The following CCNDBP1 variants were observed in gnomAD, a reference collection of about 807,000 sequenced individuals.
CCNDBP1 encodes cyclin-D1-binding protein 1.
CCNDBP1 carries 45 observed loss-of-function variants against 46.2 expected under a neutral mutation model. The ratio of observed to expected loss-of-function variants is 0.97; its 90% CI spans 0.77 to 1.25. The LOEUF (loss-of-function observed/expected upper bound fraction) is 1.25, where lower values mean the gene tolerates loss of function less well. Ranked by LOEUF, CCNDBP1 falls within the 50% of genes most tolerant of loss-of-function variation. CCNDBP1 has a pLI of 0.00. For missense variants in CCNDBP1, 436 were observed against 442.1 expected, an observed-to-expected ratio of 0.99 and a Z score of 0.12; for synonymous variants, 154 against 163.6, an observed-to-expected ratio of 0.94 and a Z score of 0.45.
intron 8 of CCNDBP1, among the ~76,000 whole-genome samples, chr15:43,191,935 C>T (rs1330294735): frequency 6.6e-6 from 1 of 152,162 alleles, no homozygotes; most frequent in Non-Finnish European, 1.5e-5. Context: ...AAATTGCAGA[C>T]AGCAATGACA....
intron 3 of CCNDBP1, 83 bp from the exon 4 acceptor site, chr15:43,189,105 GAAAAAGAAAGA>G (rs2041905471): frequency 1.1e-4 from 25 of 238,040 alleles, no homozygotes; most frequent in Middle Eastern, 8.3e-4. Flanking sequence ...AAAAAAAAAA[GAAAAAGAAAGA>G]AAAGAAAAAG....
rs867488216 is a variant in CCNDBP1 at position 43,192,971 on chromosome 15, T to C, written c.921+168T>C. On this transcript the variant is annotated intron_variant, in intron 9 of 10. Coordinates refer to ENST00000300213, the MANE Select transcript of CCNDBP1 (RefSeq NM_012142.5). The stretch of plus-strand genomic sequence containing the variant: ...GCGTTTGGGGTTGATAAATATTCAC[T>C]GAAGTTGAATTATAATAGCCATGAG... 26 of 620,858 alleles carry C rather than the reference T, an allele frequency of 4.2e-5. No homozygotes were observed. In the African/African-American group the frequency reaches 4.6e-4, roughly 11 times the overall value. 38.5% of individuals were successfully genotyped at this position (620,858 alleles called of 1,614,324 possible).
At chr15:43,190,443 A>G (rs1596392125) in intron 6 of CCNDBP1, 45 bp downstream of exon 6, 1 of 1,483,488 alleles carries the variant, frequency 6.7e-7, no homozygotes, top group East Asian at 2.3e-5. Context: ...GCCAAAGCAA[A>G]GAGACCTCAT....
chr15:43,190,237 C>T, intron 5 of CCNDBP1, 86 bp downstream of exon 5: 4 of 1,582,204 alleles, frequency 2.5e-6, no homozygotes, highest in Non-Finnish European at 3.5e-6. Context: ...AAGTTACTGA[C>T]AGCTGAGAGT....
chr15:43,191,646 T>C lies in CCNDBP1; in HGVS notation c.831T>C (p.Ile277=). ...KKDQVAQLDD[I]VDISDEISPS... ...ATCAGGTGGCACAGCTGGATGACAT[T>C]GTGGATATTTCTGATGAAATCAGCC... The change falls in exon 8 of 11, where the codon ATT becomes ATC. Residue 277 remains isoleucine (I), a synonymous_variant. Coordinates refer to ENST00000300213, the MANE Select transcript of CCNDBP1 (RefSeq NM_012142.5). The C allele has an allele frequency of 6.2e-7, 1 of 1,608,762 alleles. No homozygotes were observed. Among genetic ancestry groups the C allele is most frequent in the Non-Finnish European group, 8.5e-7 (1 of 1,179,994 alleles).
At chr15:43,185,767 A>G in intron 1 of CCNDBP1, 53 bp from the exon 2 acceptor site, 2 of 1,584,320 alleles carry the variant, frequency 1.3e-6, no homozygotes, top group South Asian at 1.1e-5. Context: ...GGCTCCGCTT[A>G]CCTCAGCTTT....
At position 43,194,398 on chromosome 15, in the gene CCNDBP1, CTG is replaced by C. The variant is rs375689084; in HGVS notation, c.922-13_922-12del. On this transcript the variant is annotated splice_polypyrimidine_tract_variant and intron_variant, in intron 9 of 10. Coordinates refer to ENST00000300213, the MANE Select transcript of CCNDBP1 (RefSeq NM_012142.5). ...TGGTAGGGCTCAGGGTGAATAACTT[CTG>C]TGTTTCTTTTCTAGTCTGCGAAACT... The C allele has an allele frequency of 1.1e-5, 18 of 1,597,692 alleles. No homozygotes were observed. In the African/African-American group the frequency reaches 1.9e-4, roughly 17 times the overall value.
Position 43,194,638 on chromosome 15 carries a change from T to G in CCNDBP1, c.969-89T>G, listed in dbSNP as rs527490633. On this transcript the variant is annotated intron_variant, in intron 10 of 10. Transcript: ENST00000300213. Reference sequence around the variant, plus strand: ...CAAAGAAGCTTCCCTTTAAAAAAATTTTAGTTTTCCCTGTGCTCCCTCCTG... The same window carrying G: ...CAAAGAAGCTTCCCTTTAAAAAAATGTTAGTTTTCCCTGTGCTCCCTCCTG... 12 of 1,134,694 alleles carry G rather than the reference T, an allele frequency of 1.1e-5. No individual in the cohort carries two copies. The South Asian group carries it at 1.7e-4, about 16-fold the overall frequency. 70.3% of individuals were successfully genotyped at this position (1,134,694 alleles called of 1,614,324 possible).
At chr15:43,194,515 C>CTGGA in intron 10 of CCNDBP1, 54 bp downstream of exon 10, 2 of 1,403,576 alleles carry the variant, frequency 1.4e-6, no homozygotes, top group Non-Finnish European at 2.0e-6. Flanking sequence ...GAACTGCTGT[C>CTGGA]CAGACGTTCT....
In CCNDBP1 at chr15:43,185,593, TG is replaced by T. The variant is rs1483350562; in HGVS notation, c.96del (p.Pro33LeufsTer29). ...TTGGCGGAGGAGCTGCGGTTGCTCC[TG>T]CCTCGAGTGCGGGGTGAGCTGACGG... ...RHLAEELRLL[L>X]PRVRVGEAQE... On this transcript the variant is annotated frameshift_variant, in exon 1 of 11. Transcript: ENST00000300213. LOFTEE classifies it high-confidence loss of function. 1.1e-5 allele frequency: 16 copies of T among 1,508,398 alleles called. No homozygotes were observed. Among genetic ancestry groups the T allele is most frequent in the Non-Finnish European group, 1.3e-5 (15 of 1,123,632 alleles). 93.4% of individuals were successfully genotyped at this position (1,508,398 alleles called of 1,614,324 possible).
At chr15:43,194,330 T>C in intron 9 of CCNDBP1, 85 bp from the exon 10 acceptor site, 1 of 1,131,032 alleles carries the variant, frequency 8.8e-7, no homozygotes, top group African/African-American at 1.6e-5. Context: ...AAATAATTTT[T>C]TTATTACTTG....
intron 3 of CCNDBP1, 152 bp from the exon 4 acceptor site, chr15:43,189,047 C>A: frequency 2.4e-6 from 1 of 423,784 alleles, no homozygotes; most frequent in South Asian, 3.4e-5. Context: ...CATTGCACTC[C>A]AGCCTGGGTG....
At chr15:43,194,615 A>G in intron 10 of CCNDBP1, 112 bp from the exon 11 acceptor site, 1 of 1,009,152 alleles carries the variant, frequency 9.9e-7, no homozygotes, top group Non-Finnish European at 1.5e-6. Context: ...AGATTCTGCA[A>G]AGAAGCTTCC....
At chr15:43,194,699 A>T in intron 10 of CCNDBP1, 28 bp from the exon 11 acceptor site, 9 of 1,513,334 alleles carry the variant, frequency 5.9e-6, no homozygotes, top group Non-Finnish European at 8.3e-6. Context: ...AATAAGTTTA[A>T]CTTACTTCTT....
Position 43,196,649 on chromosome 15 carries a change from A to G in CCNDBP1, c.*1808A>G, listed in dbSNP as rs2042041409. 6.5e-6 allele frequency: 1 copy of G among 152,712 alleles called. No individual in the cohort carries two copies. Among genetic ancestry groups the G allele is most frequent in the African/African-American group, 2.4e-5 (1 of 41,418 alleles). 9.5% of individuals were successfully genotyped at this position (152,712 alleles called of 1,614,324 possible). ...TTTTGGGATAATATCCCACTTCATCAGAAATATTAGAATGATTTAAGTGTT... is the reference window on the plus strand; with the variant it reads ...TTTTGGGATAATATCCCACTTCATCGGAAATATTAGAATGATTTAAGTGTT... On this transcript the variant is annotated 3_prime_UTR_variant, in exon 11 of 11. Transcript: ENST00000300213.
intron 3 of CCNDBP1, among the ~76,000 whole-genome samples, chr15:43,186,626 A>T (rs1292003828): frequency 6.6e-6 from 1 of 152,224 alleles, no homozygotes; most frequent in Non-Finnish European, 1.5e-5. Flanking sequence ...TCTGATGTCT[A>T]AGCTACCTAT....
chr15:43,192,696 C>A, intron 8 of CCNDBP1, 47 bp from the exon 9 acceptor site: 1 of 1,567,030 alleles, frequency 6.4e-7, no homozygotes, highest in Non-Finnish European at 8.8e-7. Flanking sequence ...TAGAAACAAC[C>A]TGGCTGCGTT....
chr15:43,191,156 C>T, intron 7 of CCNDBP1, 114 bp downstream of exon 7: 1 of 895,724 alleles, frequency 1.1e-6, no homozygotes, highest in Non-Finnish European at 1.8e-6. Context: ...CTACTGTCCT[C>T]TGTCTTCCAT....
Position 43,190,072 on chromosome 15 carries a change from C to CT in CCNDBP1, c.350dup (p.Val118GlyfsTer28). The CT allele has an allele frequency of 6.2e-7, 1 of 1,614,110 alleles. No individual in the cohort carries two copies. The highest frequency in any genetic ancestry group is 8.5e-7 in the Non-Finnish European group (1 of 1,179,992). ...GGCCACAGGGATCACCCTGAGAAAGCTGGTACGGGGCGCCACCCTGGACAT... is the reference window on the plus strand; with the variant it reads ...GGCCACAGGGATCACCCTGAGAAAGCTTGGTACGGGGCGCCACCCTGGACAT... On this transcript the variant is annotated frameshift_variant, in exon 5 of 11. Transcript: ENST00000300213. LOFTEE classifies it high-confidence loss of function.
Sources: allele counts gnomAD v4.1 joint callset (sites outside exome capture counted in the v4.1 genomes callset), GRCh38; gene constraint gnomAD v4.1.1; transcripts MANE v1.5; gene names NCBI Gene and HGNC (gene_info 2026-07-23, HGNC 2026-07-21).